DNAH7: variants seen among roughly 807,000 people sequenced by gnomAD.
DNAH7 encodes dynein axonemal heavy chain 7.
A neutral mutation model predicts 444.6 loss-of-function variants in DNAH7; 397 were observed. The ratio of observed to expected loss-of-function variants is 0.89; its 90% confidence interval spans 0.82 to 0.97. DNAH7 has a LOEUF of 0.97. Among genes scored for constraint, DNAH7 ranks in the 50% least tolerant of loss-of-function variants. The pLI, the probability that DNAH7 is intolerant of heterozygous loss-of-function variation, is 0.00. For missense variants in DNAH7, 4,902 were observed against 4,800.8 expected (o/e 1.02, Z -0.62); for synonymous variants, 1,636 against 1,624.4 (o/e 1.01, Z -0.17).
intron 12 of DNAH7, among the ~76,000 whole-genome samples, chr2:196,000,435 A>C (rs930683834): frequency 2.0e-5 from 3 of 152,198 alleles, no homozygotes; most frequent in Non-Finnish European, 4.4e-5. Flanking sequence ...AGCTACAGTA[A>C]ACACTCATTG....
intron 15 of DNAH7, among the ~76,000 whole-genome samples, chr2:195,974,693 T>C (rs1692064133): frequency 6.6e-6 from 1 of 151,690 alleles, no homozygotes; most frequent in South Asian, 2.1e-4. Flanking sequence ...TCACTTGATG[T>C]CCAACAATAA....
In DNAH7 at chr2:196,005,009, G is replaced by A. The variant is rs577788387; in HGVS notation, c.990-3151C>T. Among the ~76,000 whole-genome samples the A allele has an allele frequency of 1.6e-3, 228 of 143,374 alleles. 1 individual carries two copies. The highest frequency in any genetic ancestry group is 5.2e-3 in the African/African-American group (204 of 38,924). 94.1% of individuals were successfully genotyped at this position (143,374 alleles called of 152,430 possible). A position where few individuals can be genotyped will look rare whatever the true frequency, so the allele number is the denominator to read the frequency against. On this transcript the variant is annotated intron_variant, in intron 10 of 64. Transcript: ENST00000312428. ...AAAAGGGCTGGGTGCAGTGGCTCAC[G>A]CCTGTAATCCCAGCACTTTGGGAGG...
In DNAH7 at chr2:195,942,988, G is replaced by A. The variant is rs111803214; in HGVS notation, c.3079-6196C>T. Among the ~76,000 whole-genome samples, 356 of 152,204 alleles carry A rather than the reference G, an allele frequency of 2.3e-3. 2 individuals carry two copies. Among genetic ancestry groups the A allele is most frequent in the African/African-American group, 7.8e-3 (325 of 41,540 alleles). On this transcript the variant is annotated intron_variant, in intron 19 of 64. Transcript: ENST00000312428. Reference sequence around the variant, plus strand: ...CCTGGTGGGAGGTAATTGAATCATCGGGGTGGGTTTTTCCTGTGCTGTTCT... The same window carrying A: ...CCTGGTGGGAGGTAATTGAATCATCAGGGTGGGTTTTTCCTGTGCTGTTCT...
chr2:195,853,968 T>C (rs970790909), intron 45 of DNAH7, among the ~76,000 whole-genome samples: 3 of 152,216 alleles, frequency 2.0e-5, no homozygotes, highest in Middle Eastern at 3.2e-3. Flanking sequence ...TAATTTATGA[T>C]TATTTACAAA....
intron 19 of DNAH7, among the ~76,000 whole-genome samples, chr2:195,952,544 C>T (rs534243099): frequency 6.8e-4 from 103 of 152,220 alleles, no homozygotes; most frequent in African/African-American, 2.5e-3. Flanking sequence ...TTCCATTCTC[C>T]CCGTCAATTT....
intron 10 of DNAH7, among the ~76,000 whole-genome samples, chr2:196,002,996 G>A (rs1241923989): frequency 6.8e-6 from 1 of 147,992 alleles, no homozygotes; most frequent in African/African-American, 2.5e-5. Context: ...TGACGAGAGT[G>A]AAACTCCGTC....
intron 21 of DNAH7, among the ~76,000 whole-genome samples, chr2:195,927,946 T>C (rs969308584): frequency 2.0e-5 from 3 of 152,136 alleles, no homozygotes; most frequent in African/African-American, 7.2e-5. Flanking sequence ...TTAAACTTTA[T>C]TTTTTGTATT....
At chr2:195,987,432 T>C (rs767070828) in intron 13 of DNAH7, among the ~76,000 whole-genome samples, 1 of 152,108 alleles carries the variant, frequency 6.6e-6, no homozygotes, top group Non-Finnish European at 1.5e-5. Flanking sequence ...CAGGACAATA[T>C]TAGCAATAAC....
intron 63 of DNAH7, among the ~76,000 whole-genome samples, chr2:195,746,135 A>AT (rs1693389043): frequency 6.6e-6 from 1 of 152,212 alleles, no homozygotes; most frequent in Admixed American, 6.5e-5. Flanking sequence ...TAGGCTCAAG[A>AT]TAAAAGGATG....
In DNAH7 at chr2:195,777,972, T is replaced by A. The variant is rs1295446246; in HGVS notation, c.10892A>T (p.Glu3631Val). ...TTCGCCAGTCATGTACCGCAGAGCC[T>A]CATACGGCAGTTCCTAAAATAGTGC... ...FLNQYEELPY[E>V]ALRYMTGECN... Residue 3631 changes from glutamate to valine, a missense_variant, in exon 59 of 65, where the codon GAG (glutamate) becomes GTG (valine). By Grantham distance (121) the Glu-to-Val change is moderately radical (BLOSUM62 -2). Transcript: ENST00000312428. 1 of 1,611,106 alleles carries A rather than the reference T, an allele frequency of 6.2e-7. No homozygotes were observed. Among genetic ancestry groups the A allele is most frequent in the Admixed American group, 1.7e-5 (1 of 59,832 alleles).
chr2:196,059,296 C>A (rs1358083411), intron 1 of DNAH7, among the ~76,000 whole-genome samples: 2 of 152,152 alleles, frequency 1.3e-5, no homozygotes, highest in Non-Finnish European at 1.5e-5. Flanking sequence ...ATCTCCTTTG[C>A]AGTAGAGAAT....
Position 195,976,747 on chromosome 2 carries a change from C to CAGAGAGAGAGAGAGAGAGAGAGAGAGAG in DNAH7, c.1834-4309_1834-4282dup, listed in dbSNP as rs60653466. 1.7e-3 allele frequency among the ~76,000 whole-genome samples: 158 copies of CAGAGAGAGAGAGAGAGAGAGAGAGAGAG among 90,586 alleles called. 10 individuals carry two copies. The highest frequency in any genetic ancestry group is 5.0e-3 in the South Asian group (9 of 1,812). The allele number at this position is 90,586 out of a possible 152,430, so 59.4% of individuals were successfully genotyped here. On this transcript the variant is annotated intron_variant, in intron 15 of 64. Transcript: ENST00000312428. ...AGACAGAGAGAGACAGAGAGGCAGA[C>CAGAGAGAGAGAGAGAGAGAGAGAGAGAG]AGAGAGAGAGAGAGAGAGAGAGAGA...
chr2:195,749,522 C>G (rs1335368297), intron 63 of DNAH7, among the ~76,000 whole-genome samples: 1 of 152,144 alleles, frequency 6.6e-6, no homozygotes, highest in Admixed American at 6.6e-5. Context: ...GCTATTAAGA[C>G]ACATGCACAC....
At position 195,872,326 on chromosome 2, in the gene DNAH7, A is replaced by G; in HGVS notation, c.6557T>C (p.Val2186Ala). 1 of 1,613,976 alleles carries G rather than the reference A, an allele frequency of 6.2e-7. No individual in the cohort carries two copies. Among genetic ancestry groups the G allele is most frequent in the Non-Finnish European group, 8.5e-7 (1 of 1,179,940 alleles). The change falls in exon 40 of 65, where the codon GTC becomes GCC. Residue 2186 changes from valine to alanine, a missense_variant. By Grantham distance (64) the Val-to-Ala change is moderately conservative (BLOSUM62 0). Coordinates refer to ENST00000312428, the MANE Select transcript of DNAH7 (RefSeq NM_018897.3). The stretch of plus-strand genomic sequence containing the variant: ...TCTTGACAAACAAACACCTTGAATG[A>G]CACGGGAGAAATCACGGAGGTTGAA... ...YLFNLRDFSR[V>A]IQGVCLSRPE...
At chr2:195,922,593 G>A (rs1688089438) in intron 23 of DNAH7, among the ~76,000 whole-genome samples, 2 of 152,170 alleles carry the variant, frequency 1.3e-5, no homozygotes, top group African/African-American at 2.4e-5. Flanking sequence ...TTCTAGCTCA[G>A]TACTAAATAC....
intron 10 of DNAH7, among the ~76,000 whole-genome samples, chr2:196,012,167 G>C (rs960265174): frequency 1.3e-5 from 2 of 152,038 alleles, no homozygotes; most frequent in African/African-American, 4.8e-5. Context: ...AAATTTGACT[G>C]AATTTTAATG....
chr2:195,915,389 T>C (rs551706818), intron 24 of DNAH7, among the ~76,000 whole-genome samples: 2 of 152,234 alleles, frequency 1.3e-5, no homozygotes, highest in South Asian at 4.2e-4. Context: ...AGTGAAGAAG[T>C]AGAATGGTAT....
At chr2:195,856,044 T>G (rs1372869196) in intron 44 of DNAH7, 53 bp from the exon 45 acceptor site, 5 of 1,502,716 alleles carry the variant, frequency 3.3e-6, no homozygotes, top group Non-Finnish European at 3.6e-6. Context: ...TCCAGTACAC[T>G]TTCTATCACT....
chr2:195,765,116 G>A (rs1367884582), intron 61 of DNAH7, among the ~76,000 whole-genome samples: 1 of 152,080 alleles, frequency 6.6e-6, no homozygotes, highest in Non-Finnish European at 1.5e-5. Context: ...TGACAAAGTT[G>A]CCAAGAACAT....
Sources: gnomAD v4.1 joint callset for allele counts (sites outside exome capture counted in the v4.1 genomes callset) on GRCh38, gnomAD v4.1.1 for gene constraint, MANE v1.5 for transcripts, NCBI Gene and HGNC (gene_info 2026-07-23, HGNC 2026-07-21) for gene names.